TENM2: variants seen among roughly 807,000 people sequenced by gnomAD.
The protein encoded by TENM2 is teneurin-2.
TENM2 carries 52 observed loss-of-function variants against 245.2 expected under a neutral mutation model. That is an observed-to-expected ratio of 0.21 (90% CI 0.17 to 0.27). TENM2 has a LOEUF of 0.27. Among genes scored for constraint, TENM2 ranks in the 10% least tolerant of loss-of-function variants. TENM2 has a pLI of 1.00. For missense variants in TENM2, 3,046 were observed against 3,666.8 expected, an observed-to-expected ratio of 0.83 and a Z score of 4.37; for synonymous variants, 1,363 against 1,438.9, an observed-to-expected ratio of 0.95 and a Z score of 1.19.
chr5:168,012,270 A>G (rs1472954793), intron 5 of TENM2, among the ~76,000 whole-genome samples: 1 of 152,212 alleles, frequency 6.6e-6, no homozygotes, highest in Non-Finnish European at 1.5e-5. Flanking sequence ...ACTCCATTGT[A>G]AAACAATCCA....
intron 1 of TENM2, among the ~76,000 whole-genome samples, chr5:167,371,878 C>T (rs1760461109): frequency 6.6e-6 from 1 of 151,994 alleles, no homozygotes; most frequent in South Asian, 2.1e-4. Context: ...TTTCTTTCTC[C>T]TGAGTATATG....
chr5:168,034,126 T>TATATATATGTATAC (rs1372968115), intron 5 of TENM2, among the ~76,000 whole-genome samples: 5 of 114,202 alleles, frequency 4.4e-5, no homozygotes, highest in Non-Finnish European at 8.6e-5. Flanking sequence ...TATGTGTATA[T>TATATATATGTATAC]ATATATATGT....
At chr5:168,070,965 G>A (rs1390472499) in intron 7 of TENM2, among the ~76,000 whole-genome samples, 1 of 147,544 alleles carries the variant, frequency 6.8e-6, no homozygotes, top group African/African-American at 2.5e-5. Flanking sequence ...GGAAAGGAAG[G>A]GAAAGGGAAA....
chr5:167,433,229 G>A (rs1764354946), intron 2 of TENM2, among the ~76,000 whole-genome samples: 1 of 151,768 alleles, frequency 6.6e-6, no homozygotes, highest in African/African-American at 2.4e-5. Context: ...TAAAATATCT[G>A]TTGGTGTCAA....
At chr5:167,915,550 TG>T (rs1233111530) in intron 3 of TENM2, among the ~76,000 whole-genome samples, 1 of 152,188 alleles carries the variant, frequency 6.6e-6, no homozygotes, top group Admixed American at 6.5e-5. Flanking sequence ...TTGAAGCATG[TG>T]GGTGGGTCTC....
the TENM2 span, among the ~76,000 whole-genome samples, chr5:167,189,759 C>T: frequency 2.6e-5 from 4 of 152,020 alleles, no homozygotes; most frequent in East Asian, 5.8e-4. Context: ...ATTATTTTAT[C>T]AAATGAAAGT....
rs562706851 is a variant in TENM2, at chr5:167,981,834, C to T, written c.948-11110C>T. 7.9e-5 allele frequency among the ~76,000 whole-genome samples: 12 copies of T among 152,040 alleles called. No homozygotes were observed. In the South Asian group the frequency reaches 8.3e-4, roughly 11 times the overall value. On this transcript the variant is annotated intron_variant, in intron 4 of 28. Transcript: ENST00000518659. ...ACTAAAAATACAAAAATTAGGCAGG[C>T]GTGGTGGCGTGCACCTGTAATCCCA...
chr5:167,637,597 A>G (rs1195367746), intron 2 of TENM2, among the ~76,000 whole-genome samples: 1 of 152,204 alleles, frequency 6.6e-6, no homozygotes, highest in Non-Finnish European at 1.5e-5. Flanking sequence ...TAGACTGCAT[A>G]AAGAAAATGT....
chr5:167,163,633 G>A, the TENM2 span, among the ~76,000 whole-genome samples: 5 of 152,064 alleles, frequency 3.3e-5, no homozygotes, highest in Admixed American at 6.5e-5. Flanking sequence ...AATCAGTGCT[G>A]CTTTAAATCA....
At chr5:167,999,164 G>C (rs542343286) in intron 5 of TENM2, among the ~76,000 whole-genome samples, 1 of 152,290 alleles carries the variant, frequency 6.6e-6, no homozygotes, top group African/African-American at 2.4e-5. Context: ...ACTATCTGGA[G>C]AGATGGGAAA....
exon 3 of TENM2, chr5:167,876,055 C>A: frequency 6.4e-7 from 1 of 1,551,536 alleles, no homozygotes; most frequent in South Asian, 1.2e-5. Context: ...TCCCATAATC[C>A]TCCACCAGTT....
intron 4 of TENM2, among the ~76,000 whole-genome samples, chr5:167,954,619 C>T (rs1299765434): frequency 6.6e-6 from 1 of 152,146 alleles, no homozygotes; most frequent in African/African-American, 2.4e-5. Flanking sequence ...CTCCCCTAGG[C>T]CCCTGCCCCC....
intron 2 of TENM2, among the ~76,000 whole-genome samples, chr5:167,603,158 G>A (rs1404261091): frequency 6.6e-6 from 1 of 152,130 alleles, no homozygotes; most frequent in Non-Finnish European, 1.5e-5. Context: ...CAAGCACCTG[G>A]AATGTCATTT....
chr5:167,161,890 C>T, the TENM2 span, among the ~76,000 whole-genome samples: 12 of 152,168 alleles, frequency 7.9e-5, no homozygotes, highest in African/African-American at 2.4e-4. Flanking sequence ...CCTGGGACGC[C>T]GGGTGCAGTG....
intron 28 of TENM2, 134 bp downstream of exon 30, chr5:168,260,547 A>G: frequency 2.0e-6 from 2 of 1,001,510 alleles, no homozygotes; most frequent in Non-Finnish European, 2.9e-6. Flanking sequence ...GGACACATTG[A>G]GACTTCCCAG....
intron 9 of TENM2, among the ~76,000 whole-genome samples, chr5:168,115,357 A>AAGGG (rs1794978407): frequency 2.1e-5 from 2 of 93,734 alleles, no homozygotes; most frequent in African/African-American, 4.4e-5. Context: ...GGAGGGAAGG[A>AAGGG]AGGGAAGGAA....
chr5:167,249,734 A>C, the TENM2 span, among the ~76,000 whole-genome samples: 5 of 152,138 alleles, frequency 3.3e-5, no homozygotes, highest in Non-Finnish European at 7.4e-5. Flanking sequence ...CCGTCCTATC[A>C]AGGAATCAAG....
Position 168,244,441 on chromosome 5 carries a change from TCCATTGA to T in TENM2, c.5544_5550del (p.Ile1849MetfsTer19), listed in dbSNP as rs1478065402. On this transcript the variant is annotated frameshift_variant, in exon 26 of 29. Coordinates refer to ENST00000518659, the Ensembl canonical transcript of TENM2. LOFTEE classifies it high-confidence loss of function. This position sits in a 1 kb window ranked among gnomAD's most constrained non-coding sequence, Gnocchi z 4.9. ...CTAGGTCCATGGAAGAAATCTCTTG[TCCATTGA>T]CTATGATCGAAATATTCGGACTGAA... 6.4e-7 allele frequency: 1 copy of T among 1,563,550 alleles called. No individual in the cohort carries two copies. Among genetic ancestry groups the T allele is most frequent in the Non-Finnish European group, 8.7e-7 (1 of 1,147,558 alleles).
intron 27 of TENM2, among the ~76,000 whole-genome samples, chr5:168,258,786 T>C (rs1224677640): frequency 6.6e-6 from 1 of 152,150 alleles, no homozygotes; most frequent in Non-Finnish European, 1.5e-5. Context: ...TGTTCTGAAA[T>C]TAGTAATGAT....
Sources: gnomAD v4.1 joint callset for allele counts (sites outside exome capture counted in the v4.1 genomes callset) on GRCh38, gnomAD v4.1.1 for gene constraint, Gnocchi (gnomAD v3.1) non-coding constraint, MANE v1.5 for transcripts, NCBI Gene and HGNC (gene_info 2026-07-23, HGNC 2026-07-21) for gene names.